The following ANKRD17 variants were observed in gnomAD, a reference collection of about 807,000 sequenced individuals.
The protein encoded by ANKRD17 is ankyrin repeat domain 17, also known as ankyrin repeat domain-containing protein 17.
ANKRD17 carries 19 observed loss-of-function variants against 229.7 expected under a neutral mutation model. The observed-to-expected ratio is 0.08, with a 90% CI of 0.06 to 0.12. The LOEUF is 0.12. ANKRD17 is among the 10% of genes least tolerant of loss of function. The pLI is 1.00. For missense variants in ANKRD17, 2,176 were observed against 3,176.8 expected (o/e 0.68, Z 7.57); for synonymous variants, 1,112 against 1,146.1 (o/e 0.97, Z 0.60).
chr4:73,121,749 A>G lies in ANKRD17; in HGVS notation c.3503T>C (p.Leu1168Pro). The G allele has an allele frequency of 1.3e-6, 2 of 1,599,214 alleles. No individual in the cohort carries two copies. The highest frequency in any genetic ancestry group is 1.7e-6 in the Non-Finnish European group (2 of 1,175,428). The change falls in exon 19 of 34, where the codon CTA becomes CCA. Residue 1168 changes from leucine to proline, a missense_variant. Transcript: ENST00000358602. Reference protein sequence around the residue: ...CSGGRQEVVELLLARGANKEH... With the variant: ...CSGGRQEVVEPLLARGANKEH... Reference sequence around the variant, plus strand: ...TTTATTTGCCCCTCGAGCTAACAATAGCTCCACCACCTGAAAATAAAATAG... The same window carrying G: ...TTTATTTGCCCCTCGAGCTAACAATGGCTCCACCACCTGAAAATAAAATAG...
At chr4:73,176,135 T>C (rs374533763) in intron 2 of ANKRD17, among the ~76,000 whole-genome samples, 18 of 152,120 alleles carry the variant, frequency 1.2e-4, no homozygotes, top group African/African-American at 3.9e-4. Flanking sequence ...GATCCAAAAA[T>C]GGGTCAAAGA....
At chr4:73,185,649 G>A (rs1055878056) in intron 1 of ANKRD17, among the ~76,000 whole-genome samples, 1 of 151,896 alleles carries the variant, frequency 6.6e-6, no homozygotes, top group Non-Finnish European at 1.5e-5. Flanking sequence ...CATAAAATGG[G>A]TTTACAGACA....
At chr4:73,080,887 T>C (rs1307281979) in intron 30 of ANKRD17, 3 of 152,258 alleles carry the variant, frequency 2.0e-5, no homozygotes, top group Admixed American at 6.5e-5. Flanking sequence ...ACAATCACAG[T>C]GCACTGCAGC....
chr4:73,241,245 T>C (rs1488413612), intron 1 of ANKRD17, among the ~76,000 whole-genome samples: 1 of 152,198 alleles, frequency 6.6e-6, no homozygotes, highest in Non-Finnish European at 1.5e-5. Context: ...ACTGATTAAC[T>C]ATTTGGAAAT....
At chr4:73,239,168 G>A (rs1743779065) in intron 1 of ANKRD17, among the ~76,000 whole-genome samples, 1 of 152,134 alleles carries the variant, frequency 6.6e-6, no homozygotes, top group South Asian at 2.1e-4. Context: ...GATGAACAGG[G>A]CTTGAAAGCT....
Position 73,235,467 on chromosome 4 carries a change from G to T in ANKRD17, c.393+22809C>A, listed in dbSNP as rs541162342. ...TACACATTAAAGTTATAGAGCTAAT[G>T]AGGTCCTTTTGTTCCTCTTAAGGGT... On this transcript the variant is annotated intron_variant, in intron 1 of 33. Transcript: ENST00000358602. 2.0e-5 allele frequency among the ~76,000 whole-genome samples: 3 copies of T among 152,192 alleles called. No individual in the cohort carries two copies. The East Asian group carries it at 5.8e-4, about 29-fold the overall frequency.
Position 73,140,096 on chromosome 4 carries a change from A to T in ANKRD17, c.2520T>A (p.Ala840=), listed in dbSNP as rs1729418468. 6.2e-7 allele frequency: 1 copy of T among 1,614,178 alleles called. No individual in the cohort carries two copies. Among genetic ancestry groups the T allele is most frequent in the Non-Finnish European group, 8.5e-7 (1 of 1,180,042 alleles). ...AQLQSLELAH[A]DQLTKEKIEE... ...CGATCTTCTCCTTGGTAAGTTGGTCAGCATGAGCCAGTTCCAAGGACTGCA... is the reference window on the plus strand; with the variant it reads ...CGATCTTCTCCTTGGTAAGTTGGTCTGCATGAGCCAGTTCCAAGGACTGCA... Residue 840 remains alanine (A), a synonymous_variant, in exon 15 of 34, where the codon GCT becomes GCA. Transcript: ENST00000358602.
intron 1 of ANKRD17, among the ~76,000 whole-genome samples, chr4:73,252,757 C>T (rs1254372175): frequency 1.3e-5 from 2 of 151,702 alleles, no homozygotes; most frequent in South Asian, 2.1e-4. Context: ...AGTGGTAAAT[C>T]GCCTCTAGAA....
At chr4:73,174,196 C>A (rs1287635653) in intron 2 of ANKRD17, among the ~76,000 whole-genome samples, 2 of 151,964 alleles carry the variant, frequency 1.3e-5, no homozygotes, top group African/African-American at 4.8e-5. Context: ...AAAATACTAG[C>A]TAACAGAATC....
At chr4:73,162,325 T>C (rs758130136) in intron 2 of ANKRD17, among the ~76,000 whole-genome samples, 1 of 152,148 alleles carries the variant, frequency 6.6e-6, no homozygotes, top group Non-Finnish European at 1.5e-5. Context: ...ACTGGGATTA[T>C]AGGTGTGAGC....
At position 73,142,320 on chromosome 4, in the gene ANKRD17, C is replaced by T. The variant is rs1283193294; in HGVS notation, c.2151G>A (p.Leu717=). 6.3e-7 allele frequency: 1 copy of T among 1,579,338 alleles called. No homozygotes were observed. Among genetic ancestry groups the T allele is most frequent in the African/African-American group, 1.4e-5 (1 of 72,404 alleles). The part of the protein sequence containing the change: ...GGHTSVVCYL[L]DYPNNLLSAP... The stretch of plus-strand genomic sequence containing the variant: ...CTGAAAGCAAGTTATTAGGATAATC[C>T]AAGAGATAGCAAACAACACTTGTAT... The change falls in exon 13 of 34, where the codon TTG becomes TTA. Residue 717 remains leucine, a synonymous_variant. Coordinates refer to ENST00000358602, the MANE Select transcript of ANKRD17 (RefSeq NM_032217.5).
At chr4:73,220,521 CAACTT>C (rs1393775256) in intron 1 of ANKRD17, among the ~76,000 whole-genome samples, 1 of 151,996 alleles carries the variant, frequency 6.6e-6, no homozygotes, top group African/African-American at 2.4e-5. Context: ...TCTAAATAGT[CAACTT>C]AAATATATGT....
chr4:73,203,338 A>G (rs912454675), intron 1 of ANKRD17, among the ~76,000 whole-genome samples: 3 of 152,232 alleles, frequency 2.0e-5, no homozygotes, highest in African/African-American at 7.2e-5. Context: ...AAACTAAACA[A>G]TAAAGAGAAA....
intron 2 of ANKRD17, among the ~76,000 whole-genome samples, chr4:73,164,288 TA>T (rs961756649): frequency 6.6e-6 from 1 of 152,194 alleles, no homozygotes; most frequent in African/African-American, 2.4e-5. Context: ...ACCACTGTTT[TA>T]AAAAAATCTC....
chr4:73,184,227 G>T (rs1234494042), intron 1 of ANKRD17, among the ~76,000 whole-genome samples: 1 of 152,116 alleles, frequency 6.6e-6, no homozygotes, highest in Admixed American at 6.5e-5. Flanking sequence ...TATTCCAAAG[G>T]ATAAGAAAAT....
At chr4:73,234,360 C>T (rs1279005294) in intron 1 of ANKRD17, among the ~76,000 whole-genome samples, 2 of 152,168 alleles carry the variant, frequency 1.3e-5, no homozygotes, top group Non-Finnish European at 2.9e-5. Flanking sequence ...ATACTAATTA[C>T]ACTTTGAAGT....
In ANKRD17 at chr4:73,258,710, G is replaced by A; in HGVS notation, c.-42C>T. 7.1e-7 allele frequency: 1 copy of A among 1,407,990 alleles called. No homozygotes were observed. Among genetic ancestry groups the A allele is most frequent in the Non-Finnish European group, 9.2e-7 (1 of 1,092,646 alleles). The allele number at this position is 1,407,990 out of a possible 1,614,324, so 87.2% of individuals were successfully genotyped here. On this transcript the variant is annotated 5_prime_UTR_variant, in exon 1 of 34. Transcript: ENST00000358602. ...AGGGCGCGGACGGGGGAGGGGCGTG[G>A]GGCTACGCTCTACCGCGACTTCGGC...
rs1250795472 is a variant in ANKRD17 at position 73,074,537 on chromosome 4, C to T, written c.*1694G>A. The T allele has an allele frequency of 6.6e-6, 1 of 151,820 alleles. No individual in the cohort carries two copies. Among genetic ancestry groups the T allele is most frequent in the Non-Finnish European group, 1.5e-5 (1 of 67,820 alleles). 9.4% of individuals were successfully genotyped at this position (151,820 alleles called of 1,614,324 possible). A position where few individuals can be genotyped will look rare whatever the true frequency, so the allele number is the denominator to read the frequency against. ...AACAAATTTATATATTTTAAGACCA[C>T]TTCTTAAACTAAAAGATATGAGTGT... is the stretch of plus-strand genomic sequence containing the variant. On this transcript the variant is annotated 3_prime_UTR_variant, in exon 34 of 34. Coordinates refer to ENST00000358602, the MANE Select transcript of ANKRD17 (RefSeq NM_032217.5).
intron 31 of ANKRD17, among the ~76,000 whole-genome samples, 178 bp downstream of exon 31, chr4:73,078,464 G>A (rs1434005269): frequency 6.6e-6 from 1 of 152,098 alleles, no homozygotes; most frequent in Non-Finnish European, 1.5e-5. Context: ...CTTGAACCGG[G>A]GAGGTGGAGG....
Sources: allele counts gnomAD v4.1 joint callset (sites outside exome capture counted in the v4.1 genomes callset), GRCh38; gene constraint gnomAD v4.1.1; transcripts MANE v1.5; gene names NCBI Gene and HGNC (gene_info 2026-07-23, HGNC 2026-07-21).